Variants in MITF observed in about 807,000 individuals in gnomAD.
The protein encoded by MITF is melanocyte inducing transcription factor, also known as microphthalmia-associated transcription factor.
In MITF, 17 loss-of-function variants were observed where a neutral mutation model predicts 60.5. The observed-to-expected ratio is 0.28, with a 90% confidence interval of 0.19 to 0.42. The LOEUF (loss-of-function observed/expected upper bound fraction) is 0.42. MITF is among the 10% of genes least tolerant of loss of function. The pLI is 1.00. For missense variants in MITF, 622 were observed against 683.5 expected, an observed-to-expected ratio of 0.91 and a Z score of 1.00; for synonymous variants, 260 against 248.5, an observed-to-expected ratio of 1.05 and a Z score of -0.43.
intron 1 of MITF, among the ~76,000 whole-genome samples, chr3:69,847,306 A>G (rs145389358): frequency 5.3e-4 from 81 of 152,288 alleles, no homozygotes; most frequent in African/African-American, 1.9e-3. Context: ...GCTCTTTCGG[A>G]AGACAGTGTT....
At chr3:69,828,116 TA>T (rs1346509447) in intron 1 of MITF, among the ~76,000 whole-genome samples, 1 of 108,920 alleles carries the variant, frequency 9.2e-6, no homozygotes, top group Non-Finnish European at 2.5e-5. Context: ...AATCAGTCAG[TA>T]TTGACACCAT....
chr3:69,812,696 T>C (rs1205313233), intron 1 of MITF, among the ~76,000 whole-genome samples: 1 of 152,224 alleles, frequency 6.6e-6, no homozygotes, highest in Non-Finnish European at 1.5e-5. Context: ...ACATAGTTCT[T>C]TGTGTTATGA....
chr3:69,946,165 C>A (rs2066090212), intron 5 of MITF, among the ~76,000 whole-genome samples: 1 of 152,106 alleles, frequency 6.6e-6, no homozygotes, highest in South Asian at 2.1e-4. Flanking sequence ...TCTTATAAGA[C>A]CCCTGTGAGA....
intron 1 of MITF, among the ~76,000 whole-genome samples, chr3:69,741,477 G>A (rs1703526855): frequency 1.3e-5 from 2 of 152,172 alleles, no homozygotes; most frequent in Admixed American, 1.3e-4. Context: ...ACCCAAATGA[G>A]TGCCGTGAAA....
chr3:69,947,586 A>G (rs574555116), intron 5 of MITF, among the ~76,000 whole-genome samples: 1 of 152,090 alleles, frequency 6.6e-6, no homozygotes, highest in Non-Finnish European at 1.5e-5. Context: ...AATGACCACG[A>G]TGTCTATTTT....
At chr3:69,863,544 A>G (rs2064055355) in intron 1 of MITF, among the ~76,000 whole-genome samples, 1 of 152,182 alleles carries the variant, frequency 6.6e-6, no homozygotes, top group African/African-American at 2.4e-5. Context: ...GCTGGAATTG[A>G]TACCATTGGT....
chr3:69,790,262 A>C (rs981208604), intron 1 of MITF, among the ~76,000 whole-genome samples: 1 of 152,204 alleles, frequency 6.6e-6, no homozygotes, highest in East Asian at 1.9e-4. Context: ...ATCCACTTAC[A>C]TGAGGTATGT....
intron 1 of MITF, among the ~76,000 whole-genome samples, chr3:69,835,760 A>T (rs2063530124): frequency 6.6e-6 from 1 of 152,104 alleles, no homozygotes; most frequent in Non-Finnish European, 1.5e-5. Flanking sequence ...TGTTTTTGGC[A>T]CATTTGTAAA....
chr3:69,765,796 G>C (rs541027221), intron 1 of MITF, among the ~76,000 whole-genome samples: 3 of 152,032 alleles, frequency 2.0e-5, no homozygotes, highest in African/African-American at 7.3e-5. Flanking sequence ...ATTCAGTCTC[G>C]GGAAAATTTG....
At chr3:69,768,715 G>A (rs2062341774) in intron 1 of MITF, among the ~76,000 whole-genome samples, 1 of 152,234 alleles carries the variant, frequency 6.6e-6, no homozygotes, top group East Asian at 1.9e-4. Flanking sequence ...GTACAGAAAT[G>A]GCAGTAACAA....
chr3:69,940,233 C>T (rs2065938382), intron 4 of MITF, among the ~76,000 whole-genome samples: 2 of 152,042 alleles, frequency 1.3e-5, no homozygotes, highest in Admixed American at 1.3e-4. Flanking sequence ...ACGGGGATTC[C>T]AACCCAAACC....
At chr3:69,839,850 G>A (rs554464607) in intron 1 of MITF, among the ~76,000 whole-genome samples, 2 of 151,844 alleles carry the variant, frequency 1.3e-5, no homozygotes, top group South Asian at 2.1e-4. Flanking sequence ...TCTCAGTGCT[G>A]TGGATCTCAC....
intron 2 of MITF, among the ~76,000 whole-genome samples, chr3:69,909,043 C>T (rs191048273): frequency 3.3e-4 from 50 of 152,154 alleles, no homozygotes; most frequent in East Asian, 1.4e-3. Flanking sequence ...CATGGTGATA[C>T]GGCTTGGCTG....
chr3:69,825,033 TCTTTA>T (rs67665774), intron 1 of MITF, among the ~76,000 whole-genome samples: 75,957 of 151,738 alleles, frequency 0.5, 20,685 homozygotes, highest in Non-Finnish European at 0.63. Context: ...TTTCAGGTTC[TCTTTA>T]CTTCTTGCTA....
intron 1 of MITF, among the ~76,000 whole-genome samples, chr3:69,815,736 C>T (rs952086273): frequency 3.9e-5 from 6 of 152,048 alleles, no homozygotes; most frequent in Non-Finnish European, 7.4e-5. Flanking sequence ...ATCCCTAACC[C>T]CTACATTGTT....
At chr3:69,898,712 C>A (rs2064932201) in intron 2 of MITF, among the ~76,000 whole-genome samples, 1 of 152,096 alleles carries the variant, frequency 6.6e-6, no homozygotes, top group Admixed American at 6.6e-5. Flanking sequence ...TTATGGCATG[C>A]ATGTCTAGGA....
chr3:69,876,922 A>G (rs942868288), intron 1 of MITF, among the ~76,000 whole-genome samples: 13 of 152,184 alleles, frequency 8.5e-5, no homozygotes, highest in Non-Finnish European at 1.8e-4. Context: ...TGACTTCTTT[A>G]TAGTTGAGGG....
chr3:69,859,838 A>G (rs1420634157), intron 1 of MITF, among the ~76,000 whole-genome samples: 1 of 152,174 alleles, frequency 6.6e-6, no homozygotes, highest in Non-Finnish European at 1.5e-5. Context: ...ATGAGTAAAG[A>G]GTTAACCCAT....
chr3:69,807,047 A>T (rs977965332), intron 1 of MITF, among the ~76,000 whole-genome samples: 1 of 152,140 alleles, frequency 6.6e-6, no homozygotes, highest in African/African-American at 2.4e-5. Context: ...CAGAATTTTC[A>T]CCCCATAGGA....
Sources: gnomAD v4.1 joint callset for allele counts (sites outside exome capture counted in the v4.1 genomes callset) on GRCh38, gnomAD v4.1.1 for gene constraint, MANE v1.5 for transcripts, NCBI Gene and HGNC (gene_info 2026-07-23, HGNC 2026-07-21) for gene names.